C1orf159: variants seen among roughly 807,000 people sequenced by gnomAD.
C1orf159 encodes chromosome 1 open reading frame 159, also known as uncharacterized protein C1orf159.
In C1orf159, 19 loss-of-function variants were observed where a neutral mutation model predicts 25.6. The observed-to-expected ratio is 0.74, with a 90% CI of 0.52 to 1.09. The LOEUF is 1.09. C1orf159 is among the 50% of genes least tolerant of loss of function. The pLI, the probability that C1orf159 is intolerant of heterozygous loss-of-function variation, is 0.00. For synonymous variants in C1orf159, 139 were observed against 124.7 expected, an observed-to-expected ratio of 1.12 and a Z score of -0.77; for missense variants, 274 against 290.6, an observed-to-expected ratio of 0.94 and a Z score of 0.42.
chr1:1,099,444 G>GATA (rs964045787), intron 1 of C1orf159, among the ~76,000 whole-genome samples: 4 of 151,232 alleles, frequency 2.6e-5, no homozygotes, highest in Non-Finnish European at 1.5e-5. Context: ...GTTGTCTATT[G>GATA]ATGTTTTTGG....
At chr1:1,090,765 T>G (rs1245370673) in intron 3 of C1orf159, 1 of 955,024 alleles carries the variant, frequency 1.0e-6, no homozygotes, top group Non-Finnish European at 1.6e-6. Flanking sequence ...CCATCAGGGG[T>G]TTCCGCTTGA....
chr1:1,112,835 C>T (rs1383280107), intron 1 of C1orf159, among the ~76,000 whole-genome samples: 1 of 152,268 alleles, frequency 6.6e-6, no homozygotes, highest in African/African-American at 2.4e-5. Context: ...TCTGGCCCTC[C>T]TCCAAGGGTA....
intron 1 of C1orf159, among the ~76,000 whole-genome samples, chr1:1,111,303 G>T (rs1028606153): frequency 6.6e-6 from 1 of 151,116 alleles, no homozygotes; most frequent in African/African-American, 2.4e-5. Flanking sequence ...CAAGGTGGGA[G>T]GATCGCTTGA....
At position 1,113,956 on chromosome 1, in the gene C1orf159, A is replaced by G. The variant is rs1342300269; in HGVS notation, c.-136+2104T>C. Among the ~76,000 whole-genome samples, 190 of 129,656 alleles carry G rather than the reference A, an allele frequency of 1.5e-3. 1 individual carries two copies. Among genetic ancestry groups the G allele is most frequent in the African/African-American group, 5.5e-3 (183 of 33,082 alleles). 85.1% of individuals were successfully genotyped at this position (129,656 alleles called of 152,430 possible). ...TTTTGAGATGGAGTCTCGCTCTGTCACCCAGGCTGCAGTGCAGTGGCGCAA... is the reference window on the plus strand; with the variant it reads ...TTTTGAGATGGAGTCTCGCTCTGTCGCCCAGGCTGCAGTGCAGTGGCGCAA... On this transcript the variant is annotated intron_variant, in intron 1 of 9. Coordinates refer to ENST00000421241, the MANE Select transcript of C1orf159 (RefSeq NM_017891.5).
chr1:1,104,142 C>G (rs928455558), intron 1 of C1orf159, among the ~76,000 whole-genome samples: 1 of 152,094 alleles, frequency 6.6e-6, no homozygotes, highest in Non-Finnish European at 1.5e-5. Flanking sequence ...CACCTGCCAC[C>G]ACACCTGGCT....
Position 1,082,789 on chromosome 1 carries a change from T to C in C1orf159, c.*104A>G. The stretch of plus-strand genomic sequence containing the variant: ...TCAGAGCCGAGGCTGTGCCCAGGAC[T>C]GTCCCGGGCGCCGGGCGATGCCAAC... On this transcript the variant is annotated 3_prime_UTR_variant, in exon 10 of 10. Coordinates refer to ENST00000421241, the MANE Select transcript of C1orf159 (RefSeq NM_017891.5). The C allele has an allele frequency of 3.8e-6, 4 of 1,060,958 alleles. No individual in the cohort carries two copies. Among genetic ancestry groups the C allele is most frequent in the Non-Finnish European group, 5.7e-6 (4 of 705,912 alleles). The allele number at this position is 1,060,958 out of a possible 1,614,324, so 65.7% of individuals were successfully genotyped here.
intron 1 of C1orf159, among the ~76,000 whole-genome samples, chr1:1,096,890 A>G (rs1238916818): frequency 6.6e-6 from 1 of 152,044 alleles, no homozygotes; most frequent in Non-Finnish European, 1.5e-5. Flanking sequence ...CACCTGGCTA[A>G]TTTTTTGATT....
chr1:1,095,310 G>A lies in C1orf159; in HGVS notation c.-135-3207C>T, dbSNP rs577261742. On this transcript the variant is annotated intron_variant, in intron 1 of 9. Transcript: ENST00000421241. ...AACAGGATTGAGTCTTTTCATCACG[G>A]ACATGCTGTCTCTCTTCATCCCTCC... 3.9e-5 allele frequency among the ~76,000 whole-genome samples: 6 copies of A among 152,340 alleles called. No individual in the cohort carries two copies. In the South Asian group the frequency reaches 1.2e-3, roughly 32 times the overall value.
chr1:1,103,979 T>C (rs907063262), intron 1 of C1orf159, among the ~76,000 whole-genome samples: 1 of 147,196 alleles, frequency 6.8e-6, no homozygotes, highest in African/African-American at 2.7e-5. Flanking sequence ...CCCTGCCAGA[T>C]AGTAGAATTT....
At chr1:1,091,237 G>C (rs1645927970) in intron 3 of C1orf159, 2 of 632,126 alleles carry the variant, frequency 3.2e-6, no homozygotes, top group East Asian at 5.5e-5. Context: ...CCTCACCGTG[G>C]GGGCCCCGCC....
intron 1 of C1orf159, among the ~76,000 whole-genome samples, chr1:1,109,543 C>T (rs902738209): frequency 2.0e-5 from 3 of 152,048 alleles, no homozygotes; most frequent in East Asian, 1.9e-4. Context: ...CATAGCTCAC[C>T]GCCATCTTGA....
In C1orf159 at chr1:1,087,070, T is replaced by C. The variant is rs1645842816; in HGVS notation, c.310+69A>G. On this transcript the variant is annotated intron_variant, in intron 6 of 9. Coordinates refer to ENST00000421241, the MANE Select transcript of C1orf159 (RefSeq NM_017891.5). The surrounding 1 kb of genome is among the most constrained non-coding windows in gnomAD (Gnocchi z 8.3). ...TGTGGCTGCGTCAAGGGTGAGGGTC[T>C]GCACTGGCTCCGACGGCCCCCAGCC... The C allele has an allele frequency of 2.7e-6, 4 of 1,466,060 alleles. No homozygotes were observed. The East Asian group carries it at 9.4e-5, about 34-fold the overall frequency. 90.8% of individuals were successfully genotyped at this position (1,466,060 alleles called of 1,614,324 possible).
chr1:1,112,939 T>A (rs1646282194), intron 1 of C1orf159, among the ~76,000 whole-genome samples: 1 of 152,228 alleles, frequency 6.6e-6, no homozygotes, highest in Non-Finnish European at 1.5e-5. Context: ...CTCACGCCTG[T>A]GATCCCAGCA....
Position 1,087,807 on chromosome 1 carries a change from C to G in C1orf159, c.149-210G>C, listed in dbSNP as rs1186947524. Among the ~76,000 whole-genome samples, 3 of 150,864 alleles carry G rather than the reference C, an allele frequency of 2.0e-5. No homozygotes were observed. The highest frequency in any genetic ancestry group is 7.3e-5 in the African/African-American group (3 of 40,892). ...ACGCTGAGTACTCCACACTGCGCAC[C>G]CTGACCCTGAGTACTCCGACCCCAA... On this transcript the variant is annotated intron_variant, in intron 4 of 9. Transcript: ENST00000421241. This position sits in a 1 kb window ranked among gnomAD's most constrained non-coding sequence, Gnocchi z 8.3.
rs1027892738 is a variant in C1orf159, at chr1:1,087,884, C to T, written c.149-287G>A. 3.4e-5 allele frequency among the ~76,000 whole-genome samples: 5 copies of T among 149,156 alleles called. No individual in the cohort carries two copies. The highest frequency in any genetic ancestry group is 9.9e-5 in the African/African-American group (4 of 40,516). On this transcript the variant is annotated intron_variant, in intron 4 of 9. Coordinates refer to ENST00000421241, the MANE Select transcript of C1orf159 (RefSeq NM_017891.5). This position sits in a 1 kb window ranked among gnomAD's most constrained non-coding sequence, Gnocchi z 8.3. Reference sequence around the variant, plus strand: ...GAGCACCCCGGCCCCGAGTACTCCACGCTGCACTCTCCACGCCGAGCACCC... The same window carrying T: ...GAGCACCCCGGCCCCGAGTACTCCATGCTGCACTCTCCACGCCGAGCACCC...
chr1:1,115,227 G>A (rs114980749), intron 1 of C1orf159, among the ~76,000 whole-genome samples: 7 of 152,148 alleles, frequency 4.6e-5, no homozygotes, highest in Admixed American at 2.0e-4. Flanking sequence ...CGAACACCTG[G>A]GCTTAAATTA....
chr1:1,084,902 T>C (rs547038340), intron 7 of C1orf159, among the ~76,000 whole-genome samples: 1 of 151,908 alleles, frequency 6.6e-6, no homozygotes, highest in East Asian at 2.0e-4. Flanking sequence ...ACGAGGTGGC[T>C]TTGAGCCCCA....
intron 1 of C1orf159, among the ~76,000 whole-genome samples, chr1:1,094,690 T>C (rs1353164405): frequency 6.6e-6 from 1 of 152,202 alleles, no homozygotes; most frequent in African/African-American, 2.4e-5. Context: ...ATGAGCCACC[T>C]TGCCCGGCCC....
In C1orf159 at chr1:1,113,960, A is replaced by AGGCT. The variant is rs1453499643; in HGVS notation, c.-136+2096_-136+2099dup. 4.8e-5 allele frequency among the ~76,000 whole-genome samples: 6 copies of AGGCT among 125,266 alleles called. No homozygotes were observed. In the East Asian group the frequency reaches 1.5e-3, roughly 32 times the overall value. The allele number at this position is 125,266 out of a possible 152,430, so 82.2% of individuals were successfully genotyped here. A position where few individuals can be genotyped will look rare whatever the true frequency, so the allele number is the denominator to read the frequency against. On this transcript the variant is annotated intron_variant, in intron 1 of 9. Coordinates refer to ENST00000421241, the MANE Select transcript of C1orf159 (RefSeq NM_017891.5). ...GAGATGGAGTCTCGCTCTGTCACCC[A>AGGCT]GGCTGCAGTGCAGTGGCGCAATCTC...
Sources: gnomAD v4.1 joint callset for allele counts (sites outside exome capture counted in the v4.1 genomes callset) on GRCh38, gnomAD v4.1.1 for gene constraint, Gnocchi (gnomAD v3.1) non-coding constraint, MANE v1.5 for transcripts, NCBI Gene and HGNC (gene_info 2026-07-23, HGNC 2026-07-21) for gene names.